Variants in COL1A1 observed in about 807,000 individuals in gnomAD.
COL1A1 encodes the protein collagen alpha-1(I) chain.
Under a neutral mutation model 195.7 loss-of-function variants are expected in COL1A1, and 21 were observed. The observed-to-expected ratio is 0.11, with a 90% CI of 0.08 to 0.15. The LOEUF (loss-of-function observed/expected upper bound fraction) is 0.15. COL1A1 is among the 10% of genes least tolerant of loss of function. The pLI, the probability that COL1A1 is intolerant of heterozygous loss-of-function variation, is 1.00. For missense variants in COL1A1, 1,365 were observed against 2,051.0 expected, an observed-to-expected ratio of 0.67 and a Z score of 6.46; for synonymous variants, 749 against 747.3, an observed-to-expected ratio of 1.00 and a Z score of -0.04.
rs1442072186 is a variant in COL1A1 at position 50,193,007 on chromosome 17, G to A, written c.1808C>T (p.Pro603Leu). The part of the protein sequence containing the change: ...GKAGERGVPG[P>L]PGAVGPAGKD... ...GGAGATACTTACGACAGCGCCAGGG[G>A]GTCCGGGAACACCTCGCTCTCCAGC... The change falls in exon 26 of 51, where the codon CCC becomes CTC. Residue 603 changes from proline (P) to leucine (L), a missense_variant. Pro to Leu is a moderately conservative substitution (Grantham distance 98). Around this residue, in one of 5 missense-constraint regions of COL1A1, gnomAD observed 671 missense variants for 1,099.9 expected, o/e 0.61. Transcript: ENST00000225964. 17 of 1,614,134 alleles carry A rather than the reference G, an allele frequency of 1.1e-5. No individual in the cohort carries two copies. The highest frequency in any genetic ancestry group is 1.4e-5 in the Non-Finnish European group (17 of 1,180,030).
At position 50,186,061 on chromosome 17, in the gene COL1A1, G is replaced by A. The variant is rs773594442; in HGVS notation, c.4006-41C>T. 3.3e-5 allele frequency: 53 copies of A among 1,607,134 alleles called. No individual in the cohort carries two copies. Among genetic ancestry groups the A allele is most frequent in the South Asian group, 2.0e-4 (18 of 90,958 alleles). ...GAGAGGGAAGAGTGAGCCGCTATGC[G>A]GGAACCTCTAGTCCTGCCTGGCCTC... On this transcript the variant is annotated intron_variant, in intron 49 of 50. Coordinates refer to ENST00000225964, the MANE Select transcript of COL1A1 (RefSeq NM_000088.4). This position sits in a 1 kb window ranked among gnomAD's most constrained non-coding sequence, Gnocchi z 5.3.
At position 50,184,744 on chromosome 17, in the gene COL1A1, G is replaced by C. The variant is rs1004810809; in HGVS notation, c.*758C>G. On this transcript the variant is annotated 3_prime_UTR_variant, in exon 51 of 51. Coordinates refer to ENST00000225964, the MANE Select transcript of COL1A1 (RefSeq NM_000088.4). ...CAGCAACACAGTTACACAAGGAACA[G>C]AACAGTCTCTCCCGCCCAGCCCTGC... is the stretch of plus-strand genomic sequence containing the variant. 1 of 232,012 alleles carries C rather than the reference G, an allele frequency of 4.3e-6. No homozygotes were observed. Among genetic ancestry groups the C allele is most frequent in the Non-Finnish European group, 8.5e-6 (1 of 117,194 alleles). The allele number at this position is 232,012 out of a possible 1,614,324, so 14.4% of individuals were successfully genotyped here.
Position 50,201,591 on chromosome 17 carries a change from C to T in COL1A1, c.-78G>A, listed in dbSNP as rs554858996. 167 of 1,330,426 alleles carry T rather than the reference C, an allele frequency of 1.3e-4. No individual in the cohort carries two copies. The Middle Eastern group carries it at 2.1e-3, about 17-fold the overall frequency. 82.4% of individuals were successfully genotyped at this position (1,330,426 alleles called of 1,614,324 possible). Reference sequence around the variant, plus strand: ...CGCTCATGCGTGGCCTCACACTCCGCGTGCCTCCTGCTCCGACCCCGAGGA... The same window carrying T: ...CGCTCATGCGTGGCCTCACACTCCGTGTGCCTCCTGCTCCGACCCCGAGGA... On this transcript the variant is annotated 5_prime_UTR_variant, in exon 1 of 51. Transcript: ENST00000225964.
chr17:50,192,706 A>T lies in COL1A1; in HGVS notation c.1876-13T>A, dbSNP rs1453770413. 1 of 1,614,122 alleles carries T rather than the reference A, an allele frequency of 6.2e-7. No homozygotes were observed. The highest frequency in any genetic ancestry group is 8.5e-7 in the Non-Finnish European group (1 of 1,180,008). Reference sequence around the variant, plus strand: ...CGCCAGCGGGACCCTGCACAGAGAGAACACTACAGTCACGGGGAGGCCGAG... The same window carrying T: ...CGCCAGCGGGACCCTGCACAGAGAGTACACTACAGTCACGGGGAGGCCGAG... On this transcript the variant is annotated splice_polypyrimidine_tract_variant and intron_variant, in intron 27 of 50. Coordinates refer to ENST00000225964, the MANE Select transcript of COL1A1 (RefSeq NM_000088.4).
At position 50,186,017 on chromosome 17, in the gene COL1A1, C is replaced by T. The variant is rs760040029; in HGVS notation, c.4009G>A (p.Glu1337Lys). The change falls in exon 50 of 51, where the codon GAG (glutamate) becomes AAG (lysine). Residue 1337 changes from glutamate (E) to lysine (K), a missense_variant. This residue lies in a region of COL1A1 where 273 missense variants were observed against 338.6 expected (regional missense o/e 0.81). Coordinates refer to ENST00000225964, the MANE Select transcript of COL1A1 (RefSeq NM_000088.4). The surrounding 1 kb of genome is among the most constrained non-coding windows in gnomAD (Gnocchi z 5.3). ...GESMTDGFQF[E>K]YGGQGSDPAD... ...GGGTCGGAGCCCTGGCCGCCATACT[C>T]GAACTGCAGGGGAGGGGAGAGAGGG... is the stretch of plus-strand genomic sequence containing the variant. 2.9e-5 allele frequency: 46 copies of T among 1,613,010 alleles called. No homozygotes were observed. Among genetic ancestry groups the T allele is most frequent in the South Asian group, 1.3e-4 (12 of 91,058 alleles).
Position 50,195,712 on chromosome 17 carries a change from A to T in COL1A1, c.1057-47T>A. ...ATCAGAAGCCACCCTGGGAAACCCAACCTTGCCTCTCGGGATGGCAGGAGG... is the reference window on the plus strand; with the variant it reads ...ATCAGAAGCCACCCTGGGAAACCCATCCTTGCCTCTCGGGATGGCAGGAGG... On this transcript the variant is annotated intron_variant, in intron 16 of 50. Transcript: ENST00000225964. The surrounding 1 kb of genome is among the most constrained non-coding windows in gnomAD (Gnocchi z 4.3). The T allele has an allele frequency of 6.3e-7, 1 of 1,583,098 alleles. No homozygotes were observed. The highest frequency in any genetic ancestry group is 1.1e-5 in the South Asian group (1 of 89,796).
Position 50,201,552 on chromosome 17 carries a change from AG to A in COL1A1, c.-40del. 6.4e-7 allele frequency: 1 copy of A among 1,572,992 alleles called. No individual in the cohort carries two copies. The highest frequency in any genetic ancestry group is 8.6e-7 in the Non-Finnish European group (1 of 1,158,022). On this transcript the variant is annotated 5_prime_UTR_variant, in exon 1 of 51. Coordinates refer to ENST00000225964, the MANE Select transcript of COL1A1 (RefSeq NM_000088.4). ...ACATGTAGACTCTTTGTGGCTGGGG[AG>A]GGGGTTAGCGTCCGCTCATGCGTGG...
rs766753861 is a variant in COL1A1 at position 50,199,348 on chromosome 17, G to A, written c.370-21C>T. Reference sequence around the variant, plus strand: ...GGTCCCTGCAGGGGGAGAGGGCGGGGCCGGGGTGAGCGTGGGGCCGAGAGC... The same window carrying A: ...GGTCCCTGCAGGGGGAGAGGGCGGGACCGGGGTGAGCGTGGGGCCGAGAGC... On this transcript the variant is annotated intron_variant, in intron 4 of 50. Transcript: ENST00000225964. The A allele has an allele frequency of 1.6e-5, 25 of 1,589,342 alleles. No homozygotes were observed. In the African/African-American group the frequency reaches 3.1e-4, roughly 20 times the overall value.
chr17:50,185,692 G>C, intron 50 of COL1A1, 44 bp from the exon 51 acceptor site: 1 of 1,612,140 alleles, frequency 6.2e-7, no homozygotes, highest in East Asian at 2.2e-5. Context: ...TACCACGTGG[G>C]AGTGATGGAG....
At position 50,190,900 on chromosome 17, in the gene COL1A1, C is replaced by G. The variant is rs761019554; in HGVS notation, c.2260G>C (p.Asp754His). Residue 754 changes from aspartate (D) to histidine (H), a missense_variant, in exon 33 of 51, where the codon GAT becomes CAT. Physicochemically the swap from Asp to His is moderately conservative, Grantham distance 81. This residue lies in a region of COL1A1 where 671 missense variants were observed against 1,099.9 expected (regional missense o/e 0.61). Transcript: ENST00000225964. The surrounding 1 kb of genome is among the most constrained non-coding windows in gnomAD (Gnocchi z 4.7). ...ACGCCATCTTTGCCAGGAGAGCCATCAGCACCTTTGGGACCAGCATCACCC... is the reference window on the plus strand; with the variant it reads ...ACGCCATCTTTGCCAGGAGAGCCATGAGCACCTTTGGGACCAGCATCACCC... ...DRGDAGPKGA[D>H]GSPGKDGVRG... is the part of the protein sequence containing the mutation. 6.2e-7 allele frequency: 1 copy of G among 1,614,138 alleles called. No individual in the cohort carries two copies. The highest frequency in any genetic ancestry group is 8.5e-7 in the Non-Finnish European group (1 of 1,180,014).
Position 50,188,289 on chromosome 17 carries a change from C to A in COL1A1, c.3208-140G>T. Reference sequence around the variant, plus strand: ...CCATCTCTCCCAACTCCCAGGGAAACCTCCCCACTGCAATCTTCACGGGAG... The same window carrying A: ...CCATCTCTCCCAACTCCCAGGGAAAACTCCCCACTGCAATCTTCACGGGAG... On this transcript the variant is annotated intron_variant, in intron 43 of 50. Transcript: ENST00000225964. This position sits in a 1 kb window ranked among gnomAD's most constrained non-coding sequence, Gnocchi z 5.6. 1 of 941,934 alleles carries A rather than the reference C, an allele frequency of 1.1e-6. No homozygotes were observed. Among genetic ancestry groups the A allele is most frequent in the Non-Finnish European group, 1.6e-6 (1 of 633,424 alleles). 58.3% of individuals were successfully genotyped at this position (941,934 alleles called of 1,614,324 possible). A position where few individuals can be genotyped will look rare whatever the true frequency, so the allele number is the denominator to read the frequency against.
chr17:50,196,749 G>C, intron 11 of COL1A1, 79 bp from the exon 12 acceptor site: 1 of 1,491,598 alleles, frequency 6.7e-7, no homozygotes, highest in Non-Finnish European at 9.4e-7. Flanking sequence ...ATCTGAGAAA[G>C]AGCCTTGGGA....
In COL1A1 at chr17:50,188,881, A is replaced by G; in HGVS notation, c.3045+22T>C. ...CAATGGCCATGCTGAGGGTACTGGC[A>G]TGGGGGCTGGGGACTGCTCACCTCA... On this transcript the variant is annotated intron_variant, in intron 41 of 50. Coordinates refer to ENST00000225964, the MANE Select transcript of COL1A1 (RefSeq NM_000088.4). The surrounding 1 kb of genome is among the most constrained non-coding windows in gnomAD (Gnocchi z 5.6). The G allele has an allele frequency of 1.3e-6, 2 of 1,571,172 alleles. No homozygotes were observed. Among genetic ancestry groups the G allele is most frequent in the Middle Eastern group, 1.7e-4 (1 of 5,996 alleles).
At chr17:50,197,923 T>G (rs377682912) in intron 8 of COL1A1, 26 bp downstream of exon 8, 1 of 1,611,934 alleles carries the variant, frequency 6.2e-7, no homozygotes, top group Non-Finnish European at 8.5e-7. Flanking sequence ...GTAGAAGGAG[T>G]ATGAATCTGT....
In COL1A1 at chr17:50,199,915, T is replaced by C; in HGVS notation, c.136A>G (p.Arg46Gly). 6.2e-7 allele frequency: 1 copy of C among 1,614,184 alleles called. No individual in the cohort carries two copies. Among genetic ancestry groups the C allele is most frequent in the South Asian group, 1.1e-5 (1 of 91,082 alleles). ...TTCCACACGTCTCGGTCATGGTACC[T>C]GAGGCCGTTCTGTACGCAGGTGATT... ...PPITCVQNGL[R>G]YHDRDVWKPE... The change falls in exon 2 of 51, where the codon AGG becomes GGG. Residue 46 changes from arginine (R) to glycine (G), a missense_variant. By Grantham distance (125) the Arg-to-Gly change is moderately radical (BLOSUM62 -2). This residue lies in a region of COL1A1 where 194 missense variants were observed against 221.7 expected (regional missense o/e 0.88). Coordinates refer to ENST00000225964, the MANE Select transcript of COL1A1 (RefSeq NM_000088.4).
chr17:50,199,468 G>A lies in COL1A1; in HGVS notation c.334-15C>T. The A allele has an allele frequency of 6.2e-7, 1 of 1,614,200 alleles. No homozygotes were observed. Among genetic ancestry groups the A allele is most frequent in the South Asian group, 1.1e-5 (1 of 91,092 alleles). On this transcript the variant is annotated splice_polypyrimidine_tract_variant and intron_variant, in intron 3 of 50. Coordinates refer to ENST00000225964, the MANE Select transcript of COL1A1 (RefSeq NM_000088.4). ...CCCTTGGGTCCCTGTGGGATTGGGG[G>A]AGAAGAAACAAGAGGCCAGGTTAGA...
chr17:50,189,808 C>T lies in COL1A1; in HGVS notation c.2613+51G>A, dbSNP rs112018864. 1.4e-4 allele frequency: 226 copies of T among 1,611,948 alleles called. 3 individuals carry two copies. The African/African-American group carries it at 2.6e-3, about 18-fold the overall frequency. ...CGACCCAGCTGCCCTCACCTGCCAC[C>T]GCTGCCTGGGGAGAGGGGAGAGGCT... On this transcript the variant is annotated intron_variant, in intron 37 of 50. Transcript: ENST00000225964. The surrounding 1 kb of genome is among the most constrained non-coding windows in gnomAD (Gnocchi z 5.5).
At chr17:50,199,102 T>C (rs1907836099) in intron 5 of COL1A1, 124 bp downstream of exon 5, 1 of 1,168,998 alleles carries the variant, frequency 8.6e-7, no homozygotes, top group Non-Finnish European at 1.2e-6. Context: ...ATGTGAGAGT[T>C]TCCTGTAGGA....
chr17:50,201,608 C>T lies in COL1A1; in HGVS notation c.-95G>A. On this transcript the variant is annotated 5_prime_UTR_variant, in exon 1 of 51. Transcript: ENST00000225964. ...ACACTCCGCGTGCCTCCTGCTCCGA[C>T]CCCGAGGAGAAACTCCCGTCTGCTC... 1 of 1,121,678 alleles carries T rather than the reference C, an allele frequency of 8.9e-7. No individual in the cohort carries two copies. The highest frequency in any genetic ancestry group is 1.3e-6 in the Non-Finnish European group (1 of 796,296). 69.5% of individuals were successfully genotyped at this position (1,121,678 alleles called of 1,614,324 possible).
Sources: allele counts gnomAD v4.1 joint callset, GRCh38; gene constraint gnomAD v4.1.1; regional missense constraint gnomAD v4.1.1; non-coding constraint Gnocchi (gnomAD v3.1); transcripts MANE v1.5; gene names NCBI Gene and HGNC (gene_info 2026-07-23, HGNC 2026-07-21).